ZNF410: variants seen among roughly 807,000 people sequenced by gnomAD.
The protein encoded by ZNF410 is another partner for ARF 1.
In ZNF410, 18 loss-of-function variants were observed where a neutral mutation model predicts 54.8. The ratio of observed to expected loss-of-function variants is 0.33; its 90% CI spans 0.23 to 0.49. ZNF410 has a LOEUF of 0.49. Ranked by LOEUF, ZNF410 falls within the 20% of genes least tolerant of loss-of-function variation. The pLI is 0.99. For missense variants in ZNF410, 405 were observed against 569.6 expected, an observed-to-expected ratio of 0.71 and a Z score of 2.94; for synonymous variants, 191 against 207.3, an observed-to-expected ratio of 0.92 and a Z score of 0.68.
At chr14:73,904,779 T>C in intron 6 of ZNF410, 123 bp from the exon 7 acceptor site, 3 of 1,094,454 alleles carry the variant, frequency 2.7e-6, no homozygotes, top group East Asian at 2.6e-5. Context: ...AAGTCTTCAG[T>C]TGATTCTGAT....
intron 8 of ZNF410, chr14:73,913,479 G>A (rs997958622): frequency 3.9e-5 from 6 of 152,158 alleles, no homozygotes; most frequent in Admixed American, 2.0e-4. Context: ...TTTTGCAAAT[G>A]TCTGTATTTA....
intron 8 of ZNF410, among the ~76,000 whole-genome samples, chr14:73,912,283 T>G (rs1254381402): frequency 6.6e-6 from 1 of 151,708 alleles, no homozygotes; most frequent in East Asian, 1.9e-4. Flanking sequence ...AATTCTCCCG[T>G]CTCAGCCACC....
chr14:73,920,927 T>G, intron 8 of ZNF410, 53 bp from the exon 9 acceptor site: 1 of 1,608,524 alleles, frequency 6.2e-7, no homozygotes, highest in Non-Finnish European at 8.5e-7. Flanking sequence ...GGTCTTGAGT[T>G]CATTCTCTTC....
In ZNF410 at chr14:73,921,029, T is replaced by A; in HGVS notation, c.1053T>A (p.Ser351Arg). 2 of 1,613,474 alleles carry A rather than the reference T, an allele frequency of 1.2e-6. No homozygotes were observed. Among genetic ancestry groups the A allele is most frequent in the Non-Finnish European group, 1.7e-6 (2 of 1,179,858 alleles). The stretch of plus-strand genomic sequence containing the variant: ...TCTGTGGGAAGACCTTCTCTCAGAG[T>A]GGAAGCAGGAATGTGCATATGAGAA... ...CQVCGKTFSQ[S>R]GSRNVHMRKH... Residue 351 changes from serine to arginine, a missense_variant, in exon 9 of 12, where the codon AGT (serine) becomes AGA (arginine). Around this residue, in one of 3 missense-constraint regions of ZNF410, gnomAD observed 31 missense variants for 85.5 expected, o/e 0.36. Transcript: ENST00000555044.
Position 73,904,971 on chromosome 14 carries a change from G to A in ZNF410, c.801G>A (p.Lys267=), listed in dbSNP as rs1255813874. The change falls in exon 7 of 12, where the codon AAG becomes AAA. Residue 267 remains lysine (K), a synonymous_variant. Coordinates refer to ENST00000555044, the MANE Select transcript of ZNF410 (RefSeq NM_021188.3). ...GKSFYVLQRL[K]VHMRTHNGEK... ...GCTTCTATGTGCTGCAGAGGCTGAA[G>A]GTGCACATGAGGACCCACAATGGAG... 2 of 1,614,080 alleles carry A rather than the reference G, an allele frequency of 1.2e-6. No homozygotes were observed. Among genetic ancestry groups the A allele is most frequent in the African/African-American group, 1.3e-5 (1 of 74,930 alleles).
intron 7 of ZNF410, among the ~76,000 whole-genome samples, chr14:73,908,638 ACT>A (rs2055528673): frequency 6.6e-6 from 1 of 152,078 alleles, no homozygotes; most frequent in East Asian, 1.9e-4. Context: ...TTCCCCGGGC[ACT>A]CTGTTTCAAG....
intron 9 of ZNF410, 51 bp from the exon 10 acceptor site, chr14:73,922,015 C>A: frequency 1.3e-6 from 2 of 1,582,490 alleles, no homozygotes; most frequent in Non-Finnish European, 1.7e-6. Flanking sequence ...AAATGAGGAC[C>A]AGGCACAGCC....
intron 4 of ZNF410, 53 bp from the exon 5 acceptor site, chr14:73,898,018 C>T (rs988973405): frequency 6.9e-7 from 1 of 1,442,070 alleles, no homozygotes; most frequent in Non-Finnish European, 9.4e-7. Context: ...TGAGCCAGGG[C>T]AAATAAAAAG....
At chr14:73,922,305 A>T in intron 10 of ZNF410, 99 bp downstream of exon 10, 1 of 1,288,788 alleles carries the variant, frequency 7.8e-7, no homozygotes, top group Non-Finnish European at 1.1e-6. Context: ...CTCATTTCTT[A>T]TGAGTAGCTG....
intron 7 of ZNF410, among the ~76,000 whole-genome samples, chr14:73,905,991 A>ATATATATG (rs1491231212): frequency 4.9e-5 from 7 of 141,744 alleles, no homozygotes; most frequent in African/African-American, 1.4e-4. Flanking sequence ...ATATATATAT[A>ATATATATG]TATACACACA....
In ZNF410 at chr14:73,932,297, T is replaced by C. The variant is rs2055928000; in HGVS notation, c.*756T>C. 1 of 337,824 alleles carries C rather than the reference T, an allele frequency of 3.0e-6. No individual in the cohort carries two copies. Among genetic ancestry groups the C allele is most frequent in the African/African-American group, 2.2e-5 (1 of 46,260 alleles). 20.9% of individuals were successfully genotyped at this position (337,824 alleles called of 1,614,324 possible). A position where few individuals can be genotyped will look rare whatever the true frequency, so the allele number is the denominator to read the frequency against. ...CCAGTCAGTTCTTTGGCTCTTGTTT[T>C]ATACAAAATTTGTTTTCTTAGAGAT... On this transcript the variant is annotated 3_prime_UTR_variant, in exon 12 of 12. Transcript: ENST00000555044.
intron 5 of ZNF410, among the ~76,000 whole-genome samples, chr14:73,899,233 T>C (rs1204159152): frequency 6.6e-6 from 1 of 151,860 alleles, no homozygotes; most frequent in African/African-American, 2.4e-5. Context: ...GAGTTCCCTA[T>C]GAATATTTTG....
chr14:73,905,966 C>CATATATAT lies in ZNF410; in HGVS notation c.913+884_913+885insTATATATA, dbSNP rs1197338487. Among the ~76,000 whole-genome samples, 119 of 66,590 alleles carry CATATATAT rather than the reference C, an allele frequency of 1.8e-3. 1 individual carries two copies. The Middle Eastern group carries it at 0.021, about 12-fold the overall frequency. The allele number at this position is 66,590 out of a possible 152,430, so 43.7% of individuals were successfully genotyped here. On this transcript the variant is annotated intron_variant, in intron 7 of 11. Transcript: ENST00000555044. Reference sequence around the variant, plus strand: ...ATATACACACACACACACACACACACACATATATATATATATATATATATA... The same window carrying CATATATAT: ...ATATACACACACACACACACACACACATATATATACATATATATATATATATATATATA...
At chr14:73,911,234 TC>T (rs1432133184) in intron 8 of ZNF410, among the ~76,000 whole-genome samples, 3 of 152,114 alleles carry the variant, frequency 2.0e-5, no homozygotes, top group African/African-American at 7.2e-5. Context: ...TGGAGGTTAA[TC>T]AGAGCAGAGG....
chr14:73,891,682 C>T (rs191132237), intron 1 of ZNF410, among the ~76,000 whole-genome samples: 1 of 152,004 alleles, frequency 6.6e-6, no homozygotes, highest in African/African-American at 2.4e-5. Context: ...AGTGACAGTG[C>T]CATATTTAAT....
intron 11 of ZNF410, among the ~76,000 whole-genome samples, chr14:73,928,282 G>A (rs1566668737): frequency 6.6e-6 from 1 of 152,162 alleles, no homozygotes; most frequent in Non-Finnish European, 1.5e-5. Flanking sequence ...ACAGGCAGAA[G>A]GACAGCAGTG....
At chr14:73,889,795 G>GTT (rs36076151) in intron 1 of ZNF410, among the ~76,000 whole-genome samples, 17 of 119,860 alleles carry the variant, frequency 1.4e-4, no homozygotes, top group Admixed American at 2.0e-4. Context: ...TAAATGGTTA[G>GTT]TTTTTTTTTT....
In ZNF410 at chr14:73,903,972, A is replaced by G; in HGVS notation, c.593A>G (p.His198Arg). The G allele has an allele frequency of 1.9e-6, 3 of 1,614,164 alleles. No homozygotes were observed. ...AKTSSNGENV[H>R]LGSGDGQSKD... ...GACTCTGTTACAGGAGAAAATGTCC[A>G]CCTTGGTTCTGGTGATGGGCAGTCA... Residue 198 changes from histidine to arginine, a missense_variant, in exon 6 of 12, where the codon CAC becomes CGC. By Grantham distance (29) the His-to-Arg change is conservative (BLOSUM62 0). Around this residue, in one of 3 missense-constraint regions of ZNF410, gnomAD observed 247 missense variants for 342.8 expected, o/e 0.72. Transcript: ENST00000555044.
intron 8 of ZNF410, among the ~76,000 whole-genome samples, chr14:73,919,888 T>TTC (rs2055730446): frequency 7.8e-6 from 1 of 128,466 alleles, no homozygotes; most frequent in Admixed American, 7.3e-5. Context: ...TTGTATAGGT[T>TTC]TTTTTTTTTT....
Sources: allele counts gnomAD v4.1 joint callset (sites outside exome capture counted in the v4.1 genomes callset), GRCh38; gene constraint gnomAD v4.1.1; regional missense constraint gnomAD v4.1.1; transcripts MANE v1.5; gene names NCBI Gene and HGNC (gene_info 2026-07-23, HGNC 2026-07-21).